NFRKB: variants seen among roughly 807,000 people sequenced by gnomAD.
The protein encoded by NFRKB is nuclear factor related to kappaB binding protein.
In NFRKB, 62 loss-of-function variants were observed where a neutral mutation model predicts 135.7. The observed-to-expected ratio is 0.46, with a 90% confidence interval of 0.37 to 0.56. The LOEUF (loss-of-function observed/expected upper bound fraction) is 0.56. NFRKB is among the 20% of genes least tolerant of loss of function. NFRKB has a pLI of 0.00. For synonymous variants in NFRKB, 678 were observed against 635.6 expected, an observed-to-expected ratio of 1.07 and a Z score of -1.00; for missense variants, 1,545 against 1,662.0, an observed-to-expected ratio of 0.93 and a Z score of 1.22.
chr11:129,888,637 GA>G lies in NFRKB; in HGVS notation c.293del (p.Phe98SerfsTer50). Reference sequence around the variant, plus strand: ...CAATGTGCAGAGGGTTTCCAAAGCGGAAGTTCTCCCCACTGAACAAGGCTAA... The same window carrying G: ...CAATGTGCAGAGGGTTTCCAAAGCGGAGTTCTCCCCACTGAACAAGGCTAA... Reference protein sequence around the residue: ...LILALFSGENFRFGNPLHIAQ... With the variant: ...LILALFSGENXRFGNPLHIAQ... On this transcript the variant is annotated frameshift_variant, in exon 4 of 27. Coordinates refer to ENST00000682444, the MANE Select transcript of NFRKB (RefSeq NM_001143835.2). LOFTEE classifies it high-confidence loss of function. 6.2e-7 allele frequency: 1 copy of G among 1,614,166 alleles called. No homozygotes were observed. Among genetic ancestry groups the G allele is most frequent in the South Asian group, 1.1e-5 (1 of 91,080 alleles).
At chr11:129,888,285 T>G in intron 4 of NFRKB, 4 of 592,228 alleles carry the variant, frequency 6.8e-6, no homozygotes, top group South Asian at 6.3e-5. Context: ...TTTTTAAAAT[T>G]TTTTAAAGAC....
At chr11:129,888,103 T>C (rs1240945050) in intron 4 of NFRKB, among the ~76,000 whole-genome samples, 1 of 152,170 alleles carries the variant, frequency 6.6e-6, no homozygotes, top group African/African-American at 2.4e-5. Context: ...GTAAAATTCC[T>C]TGAGTGTGGT....
At chr11:129,872,706 T>C in intron 23 of NFRKB, 178 bp downstream of exon 23, 1 of 587,514 alleles carries the variant, frequency 1.7e-6, no homozygotes, top group Non-Finnish European at 3.0e-6. Flanking sequence ...TCAGCATCTA[T>C]CAAAGCTGCA....
chr11:129,869,617 A>G lies in NFRKB; in HGVS notation c.3408T>C (p.Ala1136=). 1 of 1,614,210 alleles carries G rather than the reference A, an allele frequency of 6.2e-7. No homozygotes were observed. Among genetic ancestry groups the G allele is most frequent in the Non-Finnish European group, 8.5e-7 (1 of 1,180,046 alleles). ...CCACAGCTACAGTCTTGGACACAGC[A>G]GCATTCATACTGGGTAAGGACACCG... ...TSAVSLPSMN[A]AVSKTVAVAS... is the part of the protein sequence containing the mutation. Residue 1136 remains alanine (A), a synonymous_variant, in exon 24 of 27, where the codon GCT becomes GCC. Coordinates refer to ENST00000682444, the MANE Select transcript of NFRKB (RefSeq NM_001143835.2).
intron 6 of NFRKB, 139 bp from the exon 7 acceptor site, chr11:129,884,985 C>T (rs1302795408): frequency 1.6e-6 from 2 of 1,284,592 alleles, no homozygotes; most frequent in Admixed American, 2.2e-5. Context: ...TCTGACCCTA[C>T]CCCAGAGGAG....
At chr11:129,882,777 G>C (rs115311280) in intron 9 of NFRKB, 146 bp from the exon 10 acceptor site, 1 of 844,518 alleles carries the variant, frequency 1.2e-6, no homozygotes, top group Non-Finnish European at 1.9e-6. Flanking sequence ...AATTCATTGA[G>C]TGATTTATAG....
At chr11:129,895,059 G>A (rs1179323131) in intron 1 of NFRKB, among the ~76,000 whole-genome samples, 3 of 152,182 alleles carry the variant, frequency 2.0e-5, no homozygotes, top group Non-Finnish European at 4.4e-5. Flanking sequence ...CGGAAGCCAA[G>A]GATTTCCAGA....
At position 129,889,241 on chromosome 11, in the gene NFRKB, C is replaced by A. The variant is rs554446291; in HGVS notation, c.136-446G>T. On this transcript the variant is annotated intron_variant, in intron 3 of 26. Coordinates refer to ENST00000682444, the MANE Select transcript of NFRKB (RefSeq NM_001143835.2). The stretch of plus-strand genomic sequence containing the variant: ...CCTCCCAAAGTGCTGGGATTACAGG[C>A]ATGAGCCACCATGCCTGGCCTAAGA... Among the ~76,000 whole-genome samples the A allele has an allele frequency of 1.3e-5, 2 of 152,290 alleles. 1 individual carries two copies. Among genetic ancestry groups the A allele is most frequent in the South Asian group, 4.1e-4 (2 of 4,824 alleles).
At chr11:129,878,707 T>C (rs754518635) in intron 13 of NFRKB, among the ~76,000 whole-genome samples, 164 bp from the exon 14 acceptor site, 4 of 152,210 alleles carry the variant, frequency 2.6e-5, no homozygotes, top group Non-Finnish European at 4.4e-5. Context: ...GAAGTCAGCC[T>C]GGACCACCAC....
chr11:129,887,833 C>G (rs1047198089), intron 4 of NFRKB, among the ~76,000 whole-genome samples: 2 of 152,146 alleles, frequency 1.3e-5, no homozygotes, highest in Admixed American at 6.5e-5. Context: ...GTCAGGAGAT[C>G]GAGACCATCC....
rs766840760 is a variant in NFRKB at position 129,870,203 on chromosome 11, G to A, written c.2822C>T (p.Thr941Ile). ...KPQTGNSIPLTATNFRIQGKD... is the reference protein window; with the variant it reads ...KPQTGNSIPLIATNFRIQGKD... ...ACCCTGGATGCGGAAGTTAGTGGCT[G>A]TGAGTGGAATGCTGTTGCCTGTTTG... Residue 941 changes from threonine to isoleucine, a missense_variant, in exon 24 of 27, where the codon ACA becomes ATA. Coordinates refer to ENST00000682444, the MANE Select transcript of NFRKB (RefSeq NM_001143835.2). The A allele has an allele frequency of 2.5e-6, 4 of 1,614,122 alleles. No homozygotes were observed. Among genetic ancestry groups the A allele is most frequent in the East Asian group, 2.2e-5 (1 of 44,888 alleles).
At chr11:129,893,389 CA>C (rs375172554) in intron 2 of NFRKB, 1,046 of 115,472 alleles carry the variant, frequency 9.1e-3, no homozygotes, top group South Asian at 0.017. Flanking sequence ...CCCTTCTCTA[CA>C]AAAAAAAAAA....
Position 129,874,942 on chromosome 11 carries a change from G to GA in NFRKB, c.1855-27dup, listed in dbSNP as rs770401351. On this transcript the variant is annotated intron_variant, in intron 18 of 26. Coordinates refer to ENST00000682444, the MANE Select transcript of NFRKB (RefSeq NM_001143835.2). This position sits in a 1 kb window ranked among gnomAD's most constrained non-coding sequence, Gnocchi z 4.5. ...CTACAAATCAGACAAAGGGAAATAA[G>GA]AAACAAGTCAAGCTTAGATAACAGA... The GA allele has an allele frequency of 8.1e-6, 13 of 1,613,232 alleles. No homozygotes were observed. The South Asian group carries it at 1.2e-4, about 15-fold the overall frequency.
intron 4 of NFRKB, 158 bp downstream of exon 4, chr11:129,888,436 A>G (rs890212863): frequency 7.8e-6 from 6 of 772,012 alleles, no homozygotes; most frequent in Non-Finnish European, 1.4e-5. Context: ...TTTTTAGAAC[A>G]CAGCCTAGAC....
At position 129,881,438 on chromosome 11, in the gene NFRKB, C is replaced by T. The variant is rs1171895035; in HGVS notation, c.1384+5G>A. 1 of 1,614,042 alleles carries T rather than the reference C, an allele frequency of 6.2e-7. No homozygotes were observed. Among genetic ancestry groups the T allele is most frequent in the South Asian group, 1.1e-5 (1 of 91,056 alleles). On this transcript the variant is annotated splice_donor_5th_base_variant and intron_variant, in intron 13 of 26. Transcript: ENST00000682444. ...CTGTTGGGGTAGGTAATACGGATCACTTACCAAGCAACTTCCACTGCTGGG... is the reference window on the plus strand; with the variant it reads ...CTGTTGGGGTAGGTAATACGGATCATTTACCAAGCAACTTCCACTGCTGGG...
At chr11:129,872,761 C>T in intron 23 of NFRKB, 123 bp downstream of exon 23, 1 of 989,374 alleles carries the variant, frequency 1.0e-6, no homozygotes. Context: ...TATCTATAAG[C>T]TGAGAGTCGA....
chr11:129,887,442 T>C (rs752058207), intron 4 of NFRKB, among the ~76,000 whole-genome samples: 1 of 152,222 alleles, frequency 6.6e-6, no homozygotes, highest in Non-Finnish European at 1.5e-5. Context: ...CCTGATACCA[T>C]GTGCCTCCTG....
Position 129,885,564 on chromosome 11 carries a change from G to A in NFRKB, c.511C>T (p.Arg171Trp), listed in dbSNP as rs201597833. The A allele has an allele frequency of 2.4e-4, 384 of 1,613,790 alleles. 2 individuals carry two copies. In the South Asian group the frequency reaches 3.4e-3, roughly 14 times the overall value. Residue 171 changes from arginine to tryptophan, a missense_variant, in exon 6 of 27, where the codon CGG (arginine) becomes TGG (tryptophan). Physicochemically the swap from Arg to Trp is moderately radical, Grantham distance 101. This residue lies in a region of NFRKB where 678 missense variants were observed against 646.7 expected (regional missense o/e 1.05). Transcript: ENST00000682444. Reference sequence around the variant, plus strand: ...CGGGATGGTGAAGGGCGTTTCTGCCGGAAGGGAAGGGCGGGGCCACTCCGC... The same window carrying A: ...CGGGATGGTGAAGGGCGTTTCTGCCAGAAGGGAAGGGCGGGGCCACTCCGC... ...ARRSGPALPF[R>W]QKRPSPSRTP...
At chr11:129,870,819 A>G (rs1948463256) in intron 23 of NFRKB, among the ~76,000 whole-genome samples, 1 of 152,132 alleles carries the variant, frequency 6.6e-6, no homozygotes. Flanking sequence ...GGCATGATCT[A>G]TCTTCTCCCT....
Sources: gnomAD v4.1 joint callset for allele counts (sites outside exome capture counted in the v4.1 genomes callset) on GRCh38, gnomAD v4.1.1 for gene constraint, gnomAD v4.1.1 regional missense constraint, Gnocchi (gnomAD v3.1) non-coding constraint, MANE v1.5 for transcripts, NCBI Gene and HGNC (gene_info 2026-07-23, HGNC 2026-07-21) for gene names.